Variants in ALDH8A1 observed in about 807,000 individuals in gnomAD.
ALDH8A1 encodes 2-aminomuconic semialdehyde dehydrogenase.
Under a neutral mutation model 43.3 loss-of-function variants are expected in ALDH8A1, and 39 were observed. The observed-to-expected ratio is 0.90, with a 90% confidence interval of 0.70 to 1.18. The LOEUF is 1.18. ALDH8A1 is among the 50% of genes most tolerant of loss of function. The pLI, the probability that ALDH8A1 is intolerant of heterozygous loss-of-function variation, is 0.00. For synonymous variants in ALDH8A1, 233 were observed against 243.5 expected (o/e 0.96, Z 0.40); for missense variants, 605 against 622.6 (o/e 0.97, Z 0.30).
chr6:134,943,574 A>G (rs549300000), intron 2 of ALDH8A1, among the ~76,000 whole-genome samples: 1 of 152,332 alleles, frequency 6.6e-6, no homozygotes, highest in African/African-American at 2.4e-5. Flanking sequence ...TGAACAGAGT[A>G]TATTTCTTTG....
Position 134,918,402 on chromosome 6 carries a change from C to G in ALDH8A1, c.*13G>C. 1 of 1,609,876 alleles carries G rather than the reference C, an allele frequency of 6.2e-7. No individual in the cohort carries two copies. ...CCAGGCATTGGCCATAGTGGCTCCA[C>G]CATTAGCAAAGATCAGTGTTTAACG... On this transcript the variant is annotated 3_prime_UTR_variant, in exon 7 of 7. Coordinates refer to ENST00000265605, the MANE Select transcript of ALDH8A1 (RefSeq NM_022568.4).
At chr6:134,924,200 C>T (rs1168124290) in intron 6 of ALDH8A1, among the ~76,000 whole-genome samples, 5 of 152,114 alleles carry the variant, frequency 3.3e-5, no homozygotes, top group Admixed American at 1.3e-4. Flanking sequence ...GAAGGGTGTC[C>T]CTCCCACCTG....
At chr6:134,921,600 T>C (rs1776800553) in intron 6 of ALDH8A1, among the ~76,000 whole-genome samples, 1 of 152,144 alleles carries the variant, frequency 6.6e-6, no homozygotes, top group African/African-American at 2.4e-5. Flanking sequence ...AAAACAACTT[T>C]TACATATTCT....
rs567730383 is a variant in ALDH8A1 at position 134,924,197 on chromosome 6, G to A, written c.1011+4857C>T. Among the ~76,000 whole-genome samples the A allele has an allele frequency of 2.0e-4, 31 of 152,352 alleles. No homozygotes were observed. The South Asian group carries it at 6.0e-3, about 30-fold the overall frequency. On this transcript the variant is annotated intron_variant, in intron 6 of 6. Coordinates refer to ENST00000265605, the MANE Select transcript of ALDH8A1 (RefSeq NM_022568.4). Reference sequence around the variant, plus strand: ...CATCTTCAGAAACTCAGAGAAGGGTGTCCCTCCCACCTGTATGCCGGTGCT... The same window carrying A: ...CATCTTCAGAAACTCAGAGAAGGGTATCCCTCCCACCTGTATGCCGGTGCT...
intron 2 of ALDH8A1, 143 bp from the exon 3 acceptor site, chr6:134,942,707 G>A: frequency 1.3e-6 from 1 of 758,456 alleles, no homozygotes; most frequent in Non-Finnish European, 2.1e-6. Flanking sequence ...ACCTCACAAA[G>A]ACTTGATCAT....
intron 1 of ALDH8A1, among the ~76,000 whole-genome samples, chr6:134,948,389 C>T (rs1038549370): frequency 6.6e-5 from 10 of 152,012 alleles, no homozygotes; most frequent in African/African-American, 2.4e-4. Context: ...GGAATGTTCC[C>T]AACACCAAGA....
At chr6:134,919,798 T>C (rs1163690828) in intron 6 of ALDH8A1, among the ~76,000 whole-genome samples, 2 of 152,208 alleles carry the variant, frequency 1.3e-5, no homozygotes, top group African/African-American at 2.4e-5. Flanking sequence ...TAGAACTCCA[T>C]TGTAGAACTA....
rs547576893 is a variant in ALDH8A1 at position 134,928,515 on chromosome 6, C to A, written c.1011+539G>T. On this transcript the variant is annotated intron_variant, in intron 6 of 6. Coordinates refer to ENST00000265605, the MANE Select transcript of ALDH8A1 (RefSeq NM_022568.4). ...CACATGTGGTAATAAATTAAAATAA[C>A]CCTAAATTGCCATCAAGGGCCAGAT... Among the ~76,000 whole-genome samples the A allele has an allele frequency of 2.0e-5, 3 of 152,314 alleles. No homozygotes were observed. The South Asian group carries it at 6.2e-4, about 32-fold the overall frequency.
intron 4 of ALDH8A1, 74 bp from the exon 5 acceptor site, chr6:134,933,106 T>C (rs377077734): frequency 6.9e-7 from 1 of 1,449,570 alleles, no homozygotes; most frequent in East Asian, 2.4e-5. Context: ...AAATTCTCCT[T>C]TAAAGTCCAA....
At chr6:134,925,447 C>T (rs545143627) in intron 6 of ALDH8A1, among the ~76,000 whole-genome samples, 71 of 152,234 alleles carry the variant, frequency 4.7e-4, no homozygotes, top group Non-Finnish European at 7.6e-4. Context: ...TGCTGGCCAG[C>T]GACGGCCAGG....
chr6:134,921,103 T>C (rs534400724), intron 6 of ALDH8A1, among the ~76,000 whole-genome samples: 15 of 152,172 alleles, frequency 9.9e-5, no homozygotes, highest in Non-Finnish European at 2.2e-4. Context: ...TTGTTATTGA[T>C]GATGTTGGTG....
At chr6:134,925,677 C>T (rs1397148402) in intron 6 of ALDH8A1, among the ~76,000 whole-genome samples, 1 of 152,172 alleles carries the variant, frequency 6.6e-6, no homozygotes, top group African/African-American at 2.4e-5. Context: ...AAGAAGCTGA[C>T]ATTCTAGTCC....
chr6:134,949,483 A>G (rs1282267653), intron 1 of ALDH8A1, among the ~76,000 whole-genome samples: 1 of 152,214 alleles, frequency 6.6e-6, no homozygotes, highest in Non-Finnish European at 1.5e-5. Context: ...TCTAAAACAA[A>G]GCCCACAGTT....
intron 6 of ALDH8A1, among the ~76,000 whole-genome samples, chr6:134,924,247 A>G (rs985441154): frequency 1.3e-5 from 2 of 152,146 alleles, no homozygotes; most frequent in African/African-American, 4.8e-5. Flanking sequence ...TTGCAAACTG[A>G]GTCCTCTGCT....
In ALDH8A1 at chr6:134,932,994, C is replaced by T. The variant is rs142034907; in HGVS notation, c.631G>A (p.Gly211Arg). Reference protein sequence around the residue: ...PGVVNIVFGTGPRVGEALVSH... With the variant: ...PGVVNIVFGTRPRVGEALVSH... ...ACCAGGGCCTCACCCACCCTGGGCC[C>T]GGTTCCAAACACAATATTGACCACA... is the stretch of plus-strand genomic sequence containing the variant. The change falls in exon 5 of 7, where the codon GGG becomes AGG. Residue 211 changes from glycine to arginine, a missense_variant. Physicochemically the swap from Gly to Arg is moderately radical, Grantham distance 125. Transcript: ENST00000265605. 1.4e-5 allele frequency: 23 copies of T among 1,604,636 alleles called. No individual in the cohort carries two copies. The African/African-American group carries it at 1.5e-4, about 10-fold the overall frequency.
chr6:134,919,216 T>TA (rs1182607607), intron 6 of ALDH8A1, among the ~76,000 whole-genome samples: 1 of 152,196 alleles, frequency 6.6e-6, no homozygotes, highest in Non-Finnish European at 1.5e-5. Context: ...TAATTGAGTG[T>TA]AAAAAATATG....
At chr6:134,923,574 G>A (rs1776839102) in intron 6 of ALDH8A1, among the ~76,000 whole-genome samples, 1 of 152,150 alleles carries the variant, frequency 6.6e-6, no homozygotes, top group Non-Finnish European at 1.5e-5. Context: ...TGAAACAGAT[G>A]CTTGGTTTTC....
intron 1 of ALDH8A1, among the ~76,000 whole-genome samples, chr6:134,946,540 A>C (rs1192444568): frequency 6.6e-6 from 1 of 152,258 alleles, no homozygotes; most frequent in Non-Finnish European, 1.5e-5. Flanking sequence ...TATGCCAAGC[A>C]CTAAGGGCTT....
chr6:134,949,915 C>A lies in ALDH8A1; in HGVS notation c.138+1G>T, dbSNP rs375354419. The A allele has an allele frequency of 6.3e-6, 10 of 1,591,060 alleles. No homozygotes were observed. The highest frequency in any genetic ancestry group is 1.2e-5 in the South Asian group (1 of 85,568). On this transcript the variant is annotated splice_donor_variant, in intron 1 of 6. Coordinates refer to ENST00000265605, the MANE Select transcript of ALDH8A1 (RefSeq NM_022568.4). LOFTEE classifies it high-confidence loss of function. The stretch of plus-strand genomic sequence containing the variant: ...AGTCTTCTTTAAGTGCATATACTCA[C>A]CTCGTCTTTTCCACTATTTGGCACT...
Sources: allele counts gnomAD v4.1 joint callset (sites outside exome capture counted in the v4.1 genomes callset), GRCh38; gene constraint gnomAD v4.1.1; transcripts MANE v1.5; gene names NCBI Gene and HGNC (gene_info 2026-07-23, HGNC 2026-07-21).